Variants in WWOX observed in about 807,000 individuals in gnomAD.
The protein encoded by WWOX is WW domain containing oxidoreductase.
Under a neutral mutation model 46.2 loss-of-function variants are expected in WWOX, and 69 were observed. That is an observed-to-expected ratio of 1.49 (90% CI 1.23 to 1.82). The LOEUF is 1.82. WWOX is among the 40% of genes most tolerant of loss of function. The probability of loss-of-function intolerance (pLI) is 0.00; values close to 1 mark genes in which losing one functional copy is unlikely to be tolerated. For synonymous variants in WWOX, 359 were observed against 202.6 expected, an observed-to-expected ratio of 1.77 and a Z score of -6.56; for missense variants, 919 against 542.6, an observed-to-expected ratio of 1.69 and a Z score of -6.89.
At chr16:78,990,081 G>C (rs1211603587) in intron 8 of WWOX, among the ~76,000 whole-genome samples, 1 of 151,738 alleles carries the variant, frequency 6.6e-6, no homozygotes, top group Non-Finnish European at 1.5e-5. Flanking sequence ...CTACTCGGGA[G>C]GCTGAAGTGG....
At chr16:78,983,071 G>T (rs991533320) in intron 8 of WWOX, among the ~76,000 whole-genome samples, 5 of 152,142 alleles carry the variant, frequency 3.3e-5, no homozygotes, top group Non-Finnish European at 7.3e-5. Context: ...TGAGTTTCTT[G>T]TGGAAGTGGG....
chr16:78,515,746 A>C (rs989306261), intron 8 of WWOX, among the ~76,000 whole-genome samples: 3 of 152,168 alleles, frequency 2.0e-5, no homozygotes, highest in African/African-American at 7.2e-5. Flanking sequence ...CGTGTTCAGC[A>C]CTTCTGCAAC....
intron 8 of WWOX, among the ~76,000 whole-genome samples, chr16:78,994,105 C>G (rs1037426743): frequency 6.6e-6 from 1 of 152,146 alleles, no homozygotes; most frequent in Non-Finnish European, 1.5e-5. Flanking sequence ...GATCAAGAAA[C>G]GTTACCTGTC....
Position 79,211,959 on chromosome 16 carries a change from A to G in WWOX, c.*163A>G, listed in dbSNP as rs991291004. 6.5e-7 allele frequency: 1 copy of G among 1,536,178 alleles called. No individual in the cohort carries two copies. The highest frequency in any genetic ancestry group is 2.0e-5 in the Admixed American group (1 of 50,972). On this transcript the variant is annotated 3_prime_UTR_variant, in exon 9 of 9. Transcript: ENST00000566780. ...GTGAAAAATCTTAAGTACCAATGGG[A>G]AGCAGGGAATTCCTGGGGTAAAGTA... is the stretch of plus-strand genomic sequence containing the variant.
intron 8 of WWOX, among the ~76,000 whole-genome samples, chr16:78,635,675 C>T (rs749014795): frequency 4.6e-5 from 7 of 152,112 alleles, no homozygotes; most frequent in Admixed American, 6.6e-5. Flanking sequence ...GGCACTAAGA[C>T]GGTGAGTACT....
intron 8 of WWOX, among the ~76,000 whole-genome samples, chr16:78,614,046 C>T (rs572577602): frequency 6.6e-6 from 1 of 152,336 alleles, no homozygotes; most frequent in African/African-American, 2.4e-5. Flanking sequence ...TACTATCTGG[C>T]TCTTTGCAGA....
At chr16:78,656,793 C>G (rs1474412172) in intron 8 of WWOX, among the ~76,000 whole-genome samples, 1 of 152,280 alleles carries the variant, frequency 6.6e-6, no homozygotes, top group Non-Finnish European at 1.5e-5. Context: ...CGCCACAATC[C>G]TTAGGCAGAT....
At chr16:78,932,099 G>A (rs1428523076) in intron 8 of WWOX, among the ~76,000 whole-genome samples, 1 of 152,204 alleles carries the variant, frequency 6.6e-6, no homozygotes, top group African/African-American at 2.4e-5. Context: ...AAATTACTCA[G>A]TCTCAGGTAT....
intron 8 of WWOX, among the ~76,000 whole-genome samples, chr16:79,028,922 T>C (rs559378711): frequency 6.6e-6 from 1 of 151,846 alleles, no homozygotes; most frequent in East Asian, 1.9e-4. Context: ...CATAAATTTA[T>C]AGCCGCTGAC....
intron 8 of WWOX, among the ~76,000 whole-genome samples, chr16:78,938,702 C>G: frequency 6.6e-6 from 1 of 152,068 alleles, no homozygotes; most frequent in Admixed American, 6.6e-5. Flanking sequence ...GACTAAGTGT[C>G]TTTGTTCTAG....
intron 8 of WWOX, among the ~76,000 whole-genome samples, chr16:79,148,147 G>A (rs981471729): frequency 6.6e-6 from 1 of 151,690 alleles, no homozygotes; most frequent in Non-Finnish European, 1.5e-5. Context: ...TAATTCTTTG[G>A]GTAACCATAT....
At chr16:78,682,077 C>G (rs561810537) in intron 8 of WWOX, among the ~76,000 whole-genome samples, 1 of 152,292 alleles carries the variant, frequency 6.6e-6, no homozygotes, top group African/African-American at 2.4e-5. Context: ...TGAGAAAATG[C>G]ATGTATGTAA....
intron 8 of WWOX, among the ~76,000 whole-genome samples, chr16:78,869,260 G>A (rs1157755152): frequency 6.6e-6 from 1 of 152,164 alleles, no homozygotes; most frequent in Non-Finnish European, 1.5e-5. Flanking sequence ...CACCCTGCTG[G>A]AAATGAAACA....
In WWOX at chr16:78,333,477, T is replaced by A. The variant is rs111496095; in HGVS notation, c.517-53383T>A. Reference sequence around the variant, plus strand: ...ATCTGTTCTGATGTAATACTTAGTTTAACTGGTAAAAAATATTTTGACAGA... The same window carrying A: ...ATCTGTTCTGATGTAATACTTAGTTAAACTGGTAAAAAATATTTTGACAGA... On this transcript the variant is annotated intron_variant, in intron 5 of 8. Coordinates refer to ENST00000566780, the MANE Select transcript of WWOX (RefSeq NM_016373.4). Among the ~76,000 whole-genome samples, 9 of 152,312 alleles carry A rather than the reference T, an allele frequency of 5.9e-5. 1 individual carries two copies. Among genetic ancestry groups the A allele is most frequent in the African/African-American group, 2.2e-4 (9 of 41,586 alleles).
At chr16:78,618,048 G>A (rs1430744877) in intron 8 of WWOX, among the ~76,000 whole-genome samples, 2 of 152,180 alleles carry the variant, frequency 1.3e-5, no homozygotes, top group African/African-American at 4.8e-5. Context: ...TGCTATTCAT[G>A]TGTTCTTGAA....
rs1161745134 is a variant in WWOX, at chr16:79,104,842, C to A, written c.1057-106766C>A. On this transcript the variant is annotated intron_variant, in intron 8 of 8. Transcript: ENST00000566780. ...TTGAAATACTGTGCGTACTTGCAAT[C>A]CCCACTTGACCAAAGGTGTCCAAAC... is the stretch of plus-strand genomic sequence containing the variant. Among the ~76,000 whole-genome samples the A allele has an allele frequency of 2.0e-5, 3 of 152,134 alleles. No individual in the cohort carries two copies. The East Asian group carries it at 5.8e-4, about 29-fold the overall frequency.
At chr16:79,000,050 A>T (rs2047063808) in intron 8 of WWOX, among the ~76,000 whole-genome samples, 1 of 152,146 alleles carries the variant, frequency 6.6e-6, no homozygotes, top group African/African-American at 2.4e-5. Context: ...AAATAGCGAA[A>T]GGGTCTCTTC....
At chr16:78,798,591 G>GT (rs34236291) in intron 8 of WWOX, among the ~76,000 whole-genome samples, 9,865 of 98,200 alleles carry the variant, frequency 0.1, 388 homozygotes, top group African/African-American at 0.13. Flanking sequence ...TTGTTGTTGG[G>GT]TTTTTTTTTT....
intron 8 of WWOX, among the ~76,000 whole-genome samples, chr16:78,492,319 A>G (rs939485538): frequency 2.6e-5 from 4 of 152,174 alleles, no homozygotes; most frequent in East Asian, 1.9e-4. Context: ...CTTCTTTTCT[A>G]TCTGCTAGCA....
Sources: allele counts gnomAD v4.1 joint callset (sites outside exome capture counted in the v4.1 genomes callset), GRCh38; gene constraint gnomAD v4.1.1; transcripts MANE v1.5; gene names NCBI Gene and HGNC (gene_info 2026-07-23, HGNC 2026-07-21).